The following MAF variants were observed in gnomAD, a reference collection of about 807,000 sequenced individuals.
The protein encoded by MAF is transcription factor Maf.
A neutral mutation model predicts 22.0 loss-of-function variants in MAF; 10 were observed. That is an observed-to-expected ratio of 0.45 (90% CI 0.28 to 0.77). The LOEUF (loss-of-function observed/expected upper bound fraction) is 0.77, where lower values mean the gene tolerates loss of function less well. Ranked by LOEUF, MAF falls within the 30% of genes least tolerant of loss-of-function variation. The pLI, the probability that MAF is intolerant of heterozygous loss-of-function variation, is 0.12. For missense variants in MAF, 544 were observed against 548.4 expected (o/e 0.99, Z 0.08); for synonymous variants, 337 against 255.8 (o/e 1.32, Z -3.03).
chr16:79,448,000 T>C, the MAF span, among the ~76,000 whole-genome samples: 1 of 152,046 alleles, frequency 6.6e-6, no homozygotes, highest in Non-Finnish European at 1.5e-5. Flanking sequence ...TGTTGCTGCT[T>C]ATGGAAGAAA....
chr16:79,568,653 G>C, the MAF span, among the ~76,000 whole-genome samples: 1 of 152,144 alleles, frequency 6.6e-6, no homozygotes, highest in South Asian at 2.1e-4. Flanking sequence ...ATACTAAATA[G>C]TTGCTGTTAT....
At chr16:79,277,215 G>A in the MAF span, among the ~76,000 whole-genome samples, 17 of 152,104 alleles carry the variant, frequency 1.1e-4, no homozygotes, top group African/African-American at 3.4e-4. Context: ...CGTGCAGTTC[G>A]GTGTAACCTC....
At chr16:79,589,896 C>A (rs1334189146), downstream of MAF, among the ~76,000 whole-genome samples, 1 of 152,180 alleles carries the variant, frequency 6.6e-6, no homozygotes, top group Admixed American at 6.5e-5. Flanking sequence ...CTCCGAGGGG[C>A]GCTGCGTTGC....
chr16:79,411,747 C>G, the MAF span, among the ~76,000 whole-genome samples: 1 of 152,242 alleles, frequency 6.6e-6, no homozygotes, highest in Non-Finnish European at 1.5e-5. Context: ...CCAGGCTTTT[C>G]CTCTTGCTGC....
the MAF span, among the ~76,000 whole-genome samples, chr16:79,320,127 C>A: frequency 1.3e-5 from 2 of 152,090 alleles, no homozygotes; most frequent in African/African-American, 4.8e-5. Context: ...TCAGGGAAGG[C>A]AGAACCCATG....
At chr16:79,276,736 T>C in the MAF span, among the ~76,000 whole-genome samples, 1 of 152,144 alleles carries the variant, frequency 6.6e-6, no homozygotes, top group African/African-American at 2.4e-5. Context: ...AGGATAAAGC[T>C]TCCCTGTTCA....
At chr16:79,593,577 T>C (rs1278193377), downstream of MAF, among the ~76,000 whole-genome samples, 1 of 152,172 alleles carries the variant, frequency 6.6e-6, no homozygotes, top group Non-Finnish European at 1.5e-5. Context: ...GAGGGGTCTG[T>C]GTTGAAAGAC....
chr16:79,548,410 G>A, the MAF span, among the ~76,000 whole-genome samples: 9 of 152,230 alleles, frequency 5.9e-5, no homozygotes, highest in Middle Eastern at 3.4e-3. Flanking sequence ...CTCAGATTCA[G>A]AGAGAAAAGA....
chr16:79,262,997 G>A, the MAF span, among the ~76,000 whole-genome samples: 4 of 152,278 alleles, frequency 2.6e-5, no homozygotes, highest in African/African-American at 2.4e-5. Flanking sequence ...AAAAGGAGCA[G>A]GAATTCGGAG....
the MAF span, among the ~76,000 whole-genome samples, chr16:79,490,671 A>G: frequency 6.6e-6 from 1 of 152,258 alleles, no homozygotes; most frequent in African/African-American, 2.4e-5. Flanking sequence ...AATGTATGCC[A>G]GACTGTTACA....
At chr16:79,338,548 C>T in the MAF span, among the ~76,000 whole-genome samples, 6 of 152,086 alleles carry the variant, frequency 3.9e-5, no homozygotes, top group African/African-American at 9.7e-5. Context: ...CCAAAAAGAA[C>T]AATCGTGTTG....
At chr16:79,404,366 G>C in the MAF span, among the ~76,000 whole-genome samples, 1 of 152,082 alleles carries the variant, frequency 6.6e-6, no homozygotes, top group African/African-American at 2.4e-5. Context: ...GTTTCACCAT[G>C]TTGGCCAGGA....
the MAF span, among the ~76,000 whole-genome samples, chr16:79,553,020 G>A: frequency 6.6e-6 from 1 of 152,110 alleles, no homozygotes. Context: ...GGCAAATTGG[G>A]GTCTAAATTT....
At chr16:79,495,033 A>G in the MAF span, among the ~76,000 whole-genome samples, 1 of 152,154 alleles carries the variant, frequency 6.6e-6, no homozygotes, top group African/African-American at 2.4e-5. Flanking sequence ...TTTCCTCTCC[A>G]GGCGTGTCAC....
the MAF span, among the ~76,000 whole-genome samples, chr16:79,512,581 C>T: frequency 2.0e-5 from 3 of 152,272 alleles, no homozygotes; most frequent in South Asian, 6.2e-4. Flanking sequence ...GAGAAGAAAC[C>T]TCCTTCTGCC....
the MAF span, among the ~76,000 whole-genome samples, chr16:79,346,370 T>G: frequency 6.6e-6 from 1 of 152,124 alleles, no homozygotes; most frequent in Non-Finnish European, 1.5e-5. Flanking sequence ...CCTTTGTAAT[T>G]CTTTCTCACC....
At chr16:79,222,548 G>A in the MAF span, among the ~76,000 whole-genome samples, 1 of 151,956 alleles carries the variant, frequency 6.6e-6, no homozygotes, top group African/African-American at 2.4e-5. Context: ...CAATACAAAT[G>A]GACTAAATGC....
downstream of MAF, chr16:79,585,747 A>G: frequency 3.5e-6 from 2 of 570,620 alleles, no homozygotes; most frequent in Admixed American, 3.5e-5. Flanking sequence ...CTAATGAAAC[A>G]GGAACTTTTC....
the MAF span, among the ~76,000 whole-genome samples, chr16:79,301,249 G>A: frequency 6.6e-6 from 1 of 152,122 alleles, no homozygotes; most frequent in African/African-American, 2.4e-5. Context: ...AGGGGGAAGC[G>A]TTTGGTGTTT....
Sources: gnomAD v4.1 joint callset for allele counts (sites outside exome capture counted in the v4.1 genomes callset) on GRCh38, gnomAD v4.1.1 for gene constraint, MANE v1.5 for transcripts, NCBI Gene and HGNC (gene_info 2026-07-23, HGNC 2026-07-21) for gene names.